Variants in GNAT2 observed in about 807,000 individuals in gnomAD.
GNAT2 encodes the protein guanine nucleotide-binding protein G(t) subunit alpha-2.
In GNAT2, 32 loss-of-function variants were observed where a neutral mutation model predicts 40.9. That is an observed-to-expected ratio of 0.78 (90% CI 0.59 to 1.05). The LOEUF (loss-of-function observed/expected upper bound fraction) is 1.05, where lower values mean the gene tolerates loss of function less well. Among genes scored for constraint, GNAT2 ranks in the 50% least tolerant of loss-of-function variants. The probability of loss-of-function intolerance (pLI) is 0.00; values close to 1 mark genes in which losing one functional copy is unlikely to be tolerated. For missense variants in GNAT2, 355 were observed against 431.5 expected (o/e 0.82, Z 1.57); for synonymous variants, 141 against 157.2 (o/e 0.90, Z 0.77).
intron 1 of GNAT2, among the ~76,000 whole-genome samples, chr1:109,619,185 A>G (rs1004174789): frequency 6.6e-6 from 1 of 152,238 alleles, no homozygotes; most frequent in African/African-American, 2.4e-5. Flanking sequence ...AACCAAGGCC[A>G]AGGCTAAAGC....
At position 109,604,095 on chromosome 1, in the gene GNAT2, G is replaced by A; in HGVS notation, c.730C>T (p.His244Tyr). The A allele has an allele frequency of 6.2e-7, 1 of 1,609,796 alleles. No individual in the cohort carries two copies. The highest frequency in any genetic ancestry group is 8.5e-7 in the Non-Finnish European group (1 of 1,176,286). The change falls in exon 8 of 9, where the codon CAT becomes TAT. Residue 244 changes from histidine (H) to tyrosine (Y), a missense_variant. Coordinates refer to ENST00000679935, the MANE Select transcript of GNAT2 (RefSeq NM_001377295.2). ...LVEDDEVNRM[H>Y]ESLHLFNSIC... is the part of the protein sequence containing the mutation. ...CTGTTGAACAGATGCAAAGACTCAT[G>A]CATACGATTCTAGTAAGAGGAAACA... is the stretch of plus-strand genomic sequence containing the variant.
chr1:109,610,297 T>G (rs1232266792), intron 3 of GNAT2, 116 bp from the exon 4 acceptor site: 2 of 1,295,264 alleles, frequency 1.5e-6, no homozygotes, highest in Admixed American at 3.4e-5. Flanking sequence ...TGCTACTGCT[T>G]TCTCAAAGTG....
intron 2 of GNAT2, 69 bp from the exon 3 acceptor site, chr1:109,610,576 G>A (rs6658641): frequency 0.16 from 210,108 of 1,322,260 alleles, 17,279 homozygotes; most frequent in South Asian, 0.2. Flanking sequence ...GATGGCCTGG[G>A]AGAAGTCAGA....
chr1:109,603,277 T>C lies in GNAT2; in HGVS notation c.*77A>G, dbSNP rs1282361267. 8.9e-6 allele frequency: 7 copies of C among 782,918 alleles called. No homozygotes were observed. Among genetic ancestry groups the C allele is most frequent in the Non-Finnish European group, 1.4e-5 (6 of 436,676 alleles). The allele number at this position is 782,918 out of a possible 1,614,324, so 48.5% of individuals were successfully genotyped here. A position where few individuals can be genotyped will look rare whatever the true frequency, so the allele number is the denominator to read the frequency against. ...GATTCATTCTTCATGTCATGGTATA[T>C]TGACTATAATTTTCTGTTTTTAATT... On this transcript the variant is annotated 3_prime_UTR_variant, in exon 9 of 9. Transcript: ENST00000679935.
chr1:109,603,664 A>G (rs1313254940), intron 8 of GNAT2, 120 bp from the exon 9 acceptor site: 83 of 751,420 alleles, frequency 1.1e-4, no homozygotes, highest in Non-Finnish European at 1.2e-4. Context: ...TTGGGGGCCT[A>G]TTTTTGGAGG....
intron 1 of GNAT2, chr1:109,614,057 TGG>T (rs1649879666): frequency 4.6e-5 from 7 of 152,260 alleles, no homozygotes; most frequent in Non-Finnish European, 1.0e-4. Context: ...TGAGTGTTGC[TGG>T]CGGAGCCTCC....
chr1:109,604,142 G>C (rs746231708), intron 7 of GNAT2, 38 bp from the exon 8 acceptor site: 1 of 1,546,938 alleles, frequency 6.5e-7, no homozygotes, highest in African/African-American at 1.4e-5. Flanking sequence ...ATCAGATTTG[G>C]CTTATAGAAT....
intron 2 of GNAT2, chr1:109,612,351 C>T: frequency 3.3e-6 from 1 of 299,510 alleles, no homozygotes; most frequent in South Asian, 3.1e-5. Flanking sequence ...GACTTGTGAG[C>T]CTGTTGGTGA....
intron 5 of GNAT2, chr1:109,607,166 AGGT>A (rs1461425360): frequency 2.6e-5 from 4 of 151,936 alleles, no homozygotes; most frequent in East Asian, 1.9e-4. Context: ...AAAAAAAAAA[AGGT>A]GGCCAGGCAC....
At chr1:109,613,079 C>G in intron 1 of GNAT2, 156 bp from the exon 2 acceptor site, 1 of 610,736 alleles carries the variant, frequency 1.6e-6, no homozygotes. Context: ...CAACTGGAGA[C>G]CTACTTCTTA....
In GNAT2 at chr1:109,603,312, C is replaced by G. The variant is rs1215593518; in HGVS notation, c.*42G>C. The G allele has an allele frequency of 1.8e-6, 2 of 1,111,198 alleles. No homozygotes were observed. The highest frequency in any genetic ancestry group is 3.4e-5 in the Admixed American group (2 of 59,238). The allele number at this position is 1,111,198 out of a possible 1,614,324, so 68.8% of individuals were successfully genotyped here. The stretch of plus-strand genomic sequence containing the variant: ...TTTTCTGTTTTTAATTACCCAGATT[C>G]CAAGCCTGTTTATAGAACTTATACC... On this transcript the variant is annotated 3_prime_UTR_variant, in exon 9 of 9. Coordinates refer to ENST00000679935, the MANE Select transcript of GNAT2 (RefSeq NM_001377295.2).
intron 1 of GNAT2, 90 bp from the exon 2 acceptor site, chr1:109,613,013 A>G: frequency 1.3e-6 from 1 of 750,092 alleles, no homozygotes; most frequent in Non-Finnish European, 2.4e-6. Context: ...ATGGCAGGTG[A>G]GAGAGCAGGC....
chr1:109,607,686 C>T (rs1249715948), intron 5 of GNAT2: 3 of 152,162 alleles, frequency 2.0e-5, no homozygotes, highest in East Asian at 3.8e-4. Flanking sequence ...AAATATTCAG[C>T]TTTGTAGTCA....
At chr1:109,611,279 C>T (rs1649789581) in intron 2 of GNAT2, 1 of 151,992 alleles carries the variant, frequency 6.6e-6, no homozygotes, top group Non-Finnish European at 1.5e-5. Flanking sequence ...GGGTTTTAAG[C>T]AATTCTTCTG....
chr1:109,610,286 T>C, intron 3 of GNAT2, 105 bp from the exon 4 acceptor site: 3 of 1,328,928 alleles, frequency 2.3e-6, no homozygotes, highest in Non-Finnish European at 1.1e-6. Flanking sequence ...TATCTCTCTG[T>C]TGCTACTGCT....
rs1173950810 is a variant in GNAT2, at chr1:109,603,551, T to C, written c.875-7A>G. The C allele has an allele frequency of 1.3e-6, 2 of 1,591,820 alleles. No individual in the cohort carries two copies. Among genetic ancestry groups the C allele is most frequent in the Admixed American group, 3.3e-5 (2 of 59,982 alleles). ...TCATCATAGGAGTTGTTACCTGGTT[T>C]TCCAGAAAAATAGTGAAAAAGTAGA... On this transcript the variant is annotated splice_polypyrimidine_tract_variant and splice_region_variant and intron_variant, in intron 8 of 8. Transcript: ENST00000679935.
At chr1:109,619,019 T>A (rs994585530) in intron 1 of GNAT2, among the ~76,000 whole-genome samples, 2 of 152,128 alleles carry the variant, frequency 1.3e-5, no homozygotes, top group Admixed American at 6.5e-5. Flanking sequence ...AGAGATTAAT[T>A]CCTGCTAATG....
chr1:109,610,207 T>A, intron 3 of GNAT2, 26 bp from the exon 4 acceptor site: 1 of 1,613,048 alleles, frequency 6.2e-7, no homozygotes. Context: ...ACTCTGTCTT[T>A]AGCTGGACCT....
chr1:109,611,654 C>G (rs989711313), intron 2 of GNAT2: 2 of 152,102 alleles, frequency 1.3e-5, no homozygotes, highest in Non-Finnish European at 2.9e-5. Context: ...TACCCTAATG[C>G]CTCGAACTCC....
Sources: allele counts gnomAD v4.1 joint callset (sites outside exome capture counted in the v4.1 genomes callset), GRCh38; gene constraint gnomAD v4.1.1; transcripts MANE v1.5; gene names NCBI Gene and HGNC (gene_info 2026-07-23, HGNC 2026-07-21).